Variants in SMARCC1 observed in about 807,000 individuals in gnomAD.
SMARCC1 encodes the protein SWI/SNF complex subunit SMARCC1.
In SMARCC1, 43 loss-of-function variants were observed where a neutral mutation model predicts 147.4. The observed-to-expected ratio is 0.29, with a 90% CI of 0.23 to 0.38. The LOEUF is 0.38. Ranked by LOEUF, SMARCC1 falls within the 10% of genes least tolerant of loss-of-function variation. The probability of loss-of-function intolerance (pLI) is 1.00; values close to 1 mark genes in which losing one functional copy is unlikely to be tolerated. For synonymous variants in SMARCC1, 495 were observed against 484.4 expected (o/e 1.02, Z -0.29); for missense variants, 1,119 against 1,381.1 (o/e 0.81, Z 3.01).
intron 10 of SMARCC1, among the ~76,000 whole-genome samples, chr3:47,702,473 G>A (rs1480084768): frequency 6.6e-6 from 1 of 152,212 alleles, no homozygotes; most frequent in Admixed American, 6.5e-5. Flanking sequence ...TAAGAGGTAA[G>A]GGCTGGGTGT....
At chr3:47,781,506 G>A (rs1034269870) in intron 1 of SMARCC1, 97 bp downstream of exon 1, 77 of 851,368 alleles carry the variant, frequency 9.0e-5, no homozygotes, top group Non-Finnish European at 1.2e-4. Flanking sequence ...CCCTCGTGGC[G>A]TGCGGGGGGG....
intron 25 of SMARCC1, among the ~76,000 whole-genome samples, chr3:47,616,594 C>CA (rs1206525094): frequency 6.6e-6 from 1 of 151,902 alleles, no homozygotes; most frequent in Non-Finnish European, 1.5e-5. Flanking sequence ...TACAGGCGCC[C>CA]ACCATCACGC....
chr3:47,682,616 T>G (rs1424990504), intron 14 of SMARCC1, among the ~76,000 whole-genome samples: 1 of 152,198 alleles, frequency 6.6e-6, no homozygotes, highest in Non-Finnish European at 1.5e-5. Flanking sequence ...TCTTAGGCCA[T>G]TGTACTAACG....
At chr3:47,699,239 TTAAATTCAGAAAAATCAAATGC>T (rs1213055089) in intron 11 of SMARCC1, among the ~76,000 whole-genome samples, 1 of 152,176 alleles carries the variant, frequency 6.6e-6, no homozygotes, top group Non-Finnish European at 1.5e-5. Flanking sequence ...CTGGTTATAC[TTAAATTCAGAAAAATCAAATGC>T]TAAATTTATA....
intron 18 of SMARCC1, among the ~76,000 whole-genome samples, chr3:47,673,348 C>T (rs1298355474): frequency 6.3e-5 from 9 of 142,248 alleles, no homozygotes; most frequent in African/African-American, 1.0e-4. Context: ...ACTGCGCCAC[C>T]GCACTCCAGC....
At chr3:47,765,519 A>G (rs2034829060) in intron 2 of SMARCC1, among the ~76,000 whole-genome samples, 2 of 152,012 alleles carry the variant, frequency 1.3e-5, no homozygotes, top group Non-Finnish European at 2.9e-5. Flanking sequence ...TTCCTACACT[A>G]TTTTGCTTAA....
intron 21 of SMARCC1, among the ~76,000 whole-genome samples, chr3:47,644,079 G>A (rs554553034): frequency 1.9e-4 from 29 of 152,164 alleles, no homozygotes; most frequent in African/African-American, 6.5e-4. Context: ...CTACTTGGGA[G>A]GCCGAGGAAA....
chr3:47,720,792 G>T (rs1419874331), intron 6 of SMARCC1, 57 bp from the exon 7 acceptor site: 2 of 1,255,746 alleles, frequency 1.6e-6, no homozygotes, highest in Non-Finnish European at 1.1e-6. Flanking sequence ...AAGAAACTAT[G>T]ATTTTTAGCC....
At chr3:47,614,753 A>C (rs2032613448) in intron 25 of SMARCC1, among the ~76,000 whole-genome samples, 1 of 152,150 alleles carries the variant, frequency 6.6e-6, no homozygotes, top group African/African-American at 2.4e-5. Context: ...TACTCTCTCT[A>C]ACACAGTAGA....
intron 24 of SMARCC1, among the ~76,000 whole-genome samples, chr3:47,631,505 T>C (rs574561784): frequency 2.6e-5 from 4 of 152,174 alleles, no homozygotes; most frequent in African/African-American, 9.6e-5. Flanking sequence ...AAGACCCAGA[T>C]AGAAAGGATC....
rs1479155217 is a variant in SMARCC1 at position 47,733,842 on chromosome 3, C to T, written c.576+2192G>A. ...TCACGCCATGGCACTCCAGCCTGGG[C>T]GACACAGCGAGACTCTGTCTCAAAA... is the stretch of plus-strand genomic sequence containing the variant. On this transcript the variant is annotated intron_variant, in intron 5 of 27. Transcript: ENST00000254480. 1.1e-4 allele frequency among the ~76,000 whole-genome samples: 14 copies of T among 127,264 alleles called. No individual in the cohort carries two copies. The East Asian group carries it at 1.4e-3, about 12-fold the overall frequency. The allele number at this position is 127,264 out of a possible 152,430, so 83.5% of individuals were successfully genotyped here.
chr3:47,627,499 A>T, intron 24 of SMARCC1, among the ~76,000 whole-genome samples: 1 of 152,154 alleles, frequency 6.6e-6, no homozygotes, highest in Non-Finnish European at 1.5e-5. Flanking sequence ...GGATTTGAAT[A>T]AAACATTATT....
chr3:47,770,392 G>A (rs1347060519), intron 2 of SMARCC1, among the ~76,000 whole-genome samples: 6 of 151,860 alleles, frequency 4.0e-5, no homozygotes, highest in African/African-American at 1.2e-4. Flanking sequence ...AGGCTGAGGC[G>A]GGTGGATCAC....
intron 25 of SMARCC1, among the ~76,000 whole-genome samples, chr3:47,616,211 T>C (rs183855264): frequency 1.3e-5 from 2 of 152,344 alleles, no homozygotes; most frequent in East Asian, 3.9e-4. Flanking sequence ...CCTGCTCTGT[T>C]GACGGCTGTG....
intron 24 of SMARCC1, among the ~76,000 whole-genome samples, chr3:47,627,697 C>G (rs2032831295): frequency 6.6e-6 from 1 of 152,068 alleles, no homozygotes; most frequent in African/African-American, 2.4e-5. Context: ...TTAGAGCTTT[C>G]TACTAGACAT....
chr3:47,708,800 T>C (rs574444671), intron 9 of SMARCC1, among the ~76,000 whole-genome samples: 71 of 152,278 alleles, frequency 4.7e-4, no homozygotes, highest in Admixed American at 2.2e-3. Flanking sequence ...TTCTTTTTTT[T>C]CTCTAAATTT....
intron 1 of SMARCC1, among the ~76,000 whole-genome samples, chr3:47,780,158 G>GTTTTTTTT (rs1251165275): frequency 3.9e-5 from 2 of 51,566 alleles, no homozygotes; most frequent in African/African-American, 1.5e-4. Flanking sequence ...TGGGTCTTTG[G>GTTTTTTTT]TTTTTTTTTG....
chr3:47,626,124 C>T (rs966364959), intron 24 of SMARCC1, among the ~76,000 whole-genome samples: 4 of 151,126 alleles, frequency 2.6e-5, no homozygotes, highest in African/African-American at 9.7e-5. Context: ...ACAGCATTTC[C>T]AGCCTGGGTG....
At chr3:47,634,167 G>C (rs1461262605) in intron 24 of SMARCC1, among the ~76,000 whole-genome samples, 1 of 152,146 alleles carries the variant, frequency 6.6e-6, no homozygotes, top group Non-Finnish European at 1.5e-5. Flanking sequence ...GTATTACCTA[G>C]TTTTAGTTAT....
Sources: allele counts gnomAD v4.1 joint callset (sites outside exome capture counted in the v4.1 genomes callset), GRCh38; gene constraint gnomAD v4.1.1; transcripts MANE v1.5; gene names NCBI Gene and HGNC (gene_info 2026-07-23, HGNC 2026-07-21).